Variants in VPS37B observed in about 807,000 individuals in gnomAD.
The protein encoded by VPS37B is vacuolar protein sorting-associated protein 37B.
VPS37B carries 11 observed loss-of-function variants against 21.2 expected under a neutral mutation model. The observed-to-expected ratio is 0.52, with a 90% confidence interval of 0.33 to 0.86. VPS37B has a LOEUF of 0.86. Ranked by LOEUF, VPS37B falls within the 40% of genes least tolerant of loss-of-function variation. VPS37B has a pLI of 0.03. For synonymous variants in VPS37B, 175 were observed against 159.6 expected (o/e 1.10, Z -0.73); for missense variants, 389 against 374.8 (o/e 1.04, Z -0.31).
chr12:122,880,981 C>T (rs1017496622), intron 1 of VPS37B: 5 of 152,150 alleles, frequency 3.3e-5, no homozygotes, highest in South Asian at 4.1e-4. Flanking sequence ...ACTGCATACC[C>T]GCACAGACTG....
At chr12:122,892,626 A>G (rs1156826451) in intron 1 of VPS37B, among the ~76,000 whole-genome samples, 1 of 152,216 alleles carries the variant, frequency 6.6e-6, no homozygotes, top group East Asian at 1.9e-4. Context: ...CCACAGAAAG[A>G]TCAATGTTTG....
intron 2 of VPS37B, among the ~76,000 whole-genome samples, chr12:122,869,454 C>T (rs898415325): frequency 1.3e-5 from 2 of 152,202 alleles, no homozygotes; most frequent in Admixed American, 6.5e-5. Context: ...GCAAGATGCA[C>T]GGCACCTCAC....
intron 2 of VPS37B, among the ~76,000 whole-genome samples, chr12:122,869,450 TGCACG>T (rs1263296557): frequency 6.6e-6 from 1 of 152,252 alleles, no homozygotes; most frequent in East Asian, 1.9e-4. Context: ...ACCAGCAAGA[TGCACG>T]GCACCTCACA....
intron 2 of VPS37B, among the ~76,000 whole-genome samples, chr12:122,869,281 T>C (rs905250280): frequency 6.6e-6 from 1 of 152,238 alleles, no homozygotes; most frequent in Non-Finnish European, 1.5e-5. Context: ...TAATATCCAC[T>C]TCTGTTGGGT....
In VPS37B at chr12:122,867,033, G is replaced by A; in HGVS notation, c.*83C>T. The stretch of plus-strand genomic sequence containing the variant: ...CCAGGGCCCCAGAGCCCTTGGCACA[G>A]AGCGGACCTCCAGCCTCCTTCCCGT... On this transcript the variant is annotated 3_prime_UTR_variant, in exon 4 of 4. Coordinates refer to ENST00000267202, the MANE Select transcript of VPS37B (RefSeq NM_024667.3). The surrounding 1 kb of genome is among the most constrained non-coding windows in gnomAD (Gnocchi z 5.5). 1 of 1,434,834 alleles carries A rather than the reference G, an allele frequency of 7.0e-7. No homozygotes were observed. Among genetic ancestry groups the A allele is most frequent in the South Asian group, 1.5e-5 (1 of 65,048 alleles). 88.9% of individuals were successfully genotyped at this position (1,434,834 alleles called of 1,614,324 possible).
intron 1 of VPS37B, 58 bp downstream of exon 1, chr12:122,895,894 G>T: frequency 6.5e-7 from 1 of 1,530,988 alleles, no homozygotes. Flanking sequence ...GCCACCGTTC[G>T]AGGAGCGAAC....
intron 2 of VPS37B, among the ~76,000 whole-genome samples, chr12:122,869,434 A>G (rs982925794): frequency 6.6e-6 from 1 of 152,038 alleles, no homozygotes; most frequent in African/African-American, 2.4e-5. Flanking sequence ...ACCCATGGAC[A>G]CTCCTACCAG....
intron 1 of VPS37B, among the ~76,000 whole-genome samples, chr12:122,892,981 A>C (rs1051787484): frequency 1.3e-5 from 2 of 152,080 alleles, no homozygotes; most frequent in Admixed American, 1.3e-4. Context: ...GAATCACTTG[A>C]ACCCAGGAGG....
chr12:122,893,022 C>T (rs4759387), intron 1 of VPS37B, among the ~76,000 whole-genome samples: 120,561 of 150,932 alleles, frequency 0.8, 49,142 homozygotes, highest in Middle Eastern at 0.9. Flanking sequence ...GATTGTACTA[C>T]TGCACTCCAG....
At chr12:122,892,350 T>G (rs2034425921) in intron 1 of VPS37B, among the ~76,000 whole-genome samples, 1 of 152,014 alleles carries the variant, frequency 6.6e-6, no homozygotes, top group Non-Finnish European at 1.5e-5. Flanking sequence ...ACGCCACAAT[T>G]AAAACAATGT....
chr12:122,875,754 C>T (rs1593913264), intron 1 of VPS37B: 1 of 152,186 alleles, frequency 6.6e-6, no homozygotes, highest in Admixed American at 6.5e-5. Flanking sequence ...CTCTCCACCC[C>T]TCTCCGACTG....
intron 1 of VPS37B, chr12:122,885,672 TTA>T (rs1305635217): frequency 3.2e-5 from 3 of 93,762 alleles, no homozygotes; most frequent in African/African-American, 4.3e-5. Flanking sequence ...TAAAACATTA[TTA>T]TTATTATTTT....
chr12:122,875,560 A>G (rs1320956045), intron 1 of VPS37B: 1 of 152,124 alleles, frequency 6.6e-6, no homozygotes, highest in Admixed American at 6.5e-5. Flanking sequence ...TCAATGTAGA[A>G]ACTCTTTCCT....
At chr12:122,892,167 A>G (rs976964112) in intron 1 of VPS37B, among the ~76,000 whole-genome samples, 4 of 152,240 alleles carry the variant, frequency 2.6e-5, no homozygotes, top group Non-Finnish European at 4.4e-5. Context: ...CATGCATATG[A>G]AACATTAGCC....
At chr12:122,888,580 A>G (rs1269377494) in intron 1 of VPS37B, 1 of 456,112 alleles carries the variant, frequency 2.2e-6, no homozygotes, top group Non-Finnish European at 4.4e-6. Context: ...CCAAACAGGC[A>G]ACAAGGCCGG....
In VPS37B at chr12:122,867,133, C is replaced by T. The variant is rs2033917527; in HGVS notation, c.841G>A (p.Gly281Ser). Residue 281 changes from glycine (G) to serine (S), a missense_variant, in exon 4 of 4, where the codon GGT becomes AGT. Physicochemically the swap from Gly to Ser is moderately conservative, Grantham distance 56. Transcript: ENST00000267202. The surrounding 1 kb of genome is among the most constrained non-coding windows in gnomAD (Gnocchi z 5.5). ...GCCGGCGCTCACTGGAGGATGAAAC[C>T]CGGCTGGTGTGGAGGGAGCCGGGGC... ...PPPRLPPHQP[G>S]FILQ 6.5e-7 allele frequency: 1 copy of T among 1,531,708 alleles called. No homozygotes were observed. Among genetic ancestry groups the T allele is most frequent in the African/African-American group, 1.4e-5 (1 of 72,012 alleles). The allele number at this position is 1,531,708 out of a possible 1,614,324, so 94.9% of individuals were successfully genotyped here.
chr12:122,894,551 G>A (rs1379354907), intron 1 of VPS37B, among the ~76,000 whole-genome samples: 1 of 152,226 alleles, frequency 6.6e-6, no homozygotes, highest in African/African-American at 2.4e-5. Context: ...GGGCTCCTGG[G>A]TGAGAGGCTC....
At chr12:122,871,255 T>TCGTAAAGAATGAGGC in intron 1 of VPS37B, 194 bp from the exon 2 acceptor site, 1 of 1,359,696 alleles carries the variant, frequency 7.4e-7, no homozygotes, top group Admixed American at 3.3e-5. Context: ...CTGCTGCCCG[T>TCGTAAAGAATGAGGC]CGTAAAGAAT....
intron 1 of VPS37B, chr12:122,872,493 T>A: frequency 1.0e-6 from 1 of 985,424 alleles, no homozygotes; most frequent in Non-Finnish European, 1.2e-6. Context: ...AATGCTTTCA[T>A]CTCTTCTGAT....
Sources: gnomAD v4.1 joint callset for allele counts (sites outside exome capture counted in the v4.1 genomes callset) on GRCh38, gnomAD v4.1.1 for gene constraint, Gnocchi (gnomAD v3.1) non-coding constraint, MANE v1.5 for transcripts, NCBI Gene and HGNC (gene_info 2026-07-23, HGNC 2026-07-21) for gene names.